The following PPFIBP2 variants were observed in gnomAD, a reference collection of about 807,000 sequenced individuals.
The protein encoded by PPFIBP2 is PPFIB scaffold protein 2.
A neutral mutation model predicts 118.3 loss-of-function variants in PPFIBP2; 118 were observed. The observed-to-expected ratio is 1.00, with a 90% confidence interval of 0.86 to 1.16. PPFIBP2 has a LOEUF of 1.16. PPFIBP2 is among the 50% of genes most tolerant of loss of function. The pLI, the probability that PPFIBP2 is intolerant of heterozygous loss-of-function variation, is 0.00. For synonymous variants in PPFIBP2, 414 were observed against 397.4 expected, an observed-to-expected ratio of 1.04 and a Z score of -0.50; for missense variants, 1,195 against 1,073.1, an observed-to-expected ratio of 1.11 and a Z score of -1.59.
intron 2 of PPFIBP2, among the ~76,000 whole-genome samples, chr11:7,564,151 G>A (rs957523172): frequency 6.7e-6 from 1 of 149,630 alleles, no homozygotes; most frequent in Admixed American, 6.6e-5. Context: ...GGGTGACAGA[G>A]CAAGACTCCG....
At chr11:7,528,502 A>T (rs1188461632) in intron 1 of PPFIBP2, among the ~76,000 whole-genome samples, 1 of 152,214 alleles carries the variant, frequency 6.6e-6, no homozygotes, top group Non-Finnish European at 1.5e-5. Context: ...TATCATTAGT[A>T]ACAAGTTACC....
At chr11:7,577,352 T>TGCG (rs1491378281) in intron 3 of PPFIBP2, 2 of 316,846 alleles carry the variant, frequency 6.3e-6, no homozygotes, top group African/African-American at 2.3e-5. Context: ...TGTGTGTGTG[T>TGCG]TTGTTGGGGT....
In PPFIBP2 at chr11:7,630,970, G is replaced by A. The variant is rs919891835; in HGVS notation, c.1010G>A (p.Gly337Glu). 1 of 1,614,160 alleles carries A rather than the reference G, an allele frequency of 6.2e-7. No homozygotes were observed. The highest frequency in any genetic ancestry group is 2.2e-5 in the East Asian group (1 of 44,890). Residue 337 changes from glycine (G) to glutamate (E), a missense_variant, in exon 11 of 24, where the codon GGA becomes GAA. Transcript: ENST00000299492. ...TCAATCAATGAAGAAGAACCGGAGGGAGGTTTCAGCAAGTGGAACGCTACA... is the reference window on the plus strand; with the variant it reads ...TCAATCAATGAAGAAGAACCGGAGGAAGGTTTCAGCAAGTGGAACGCTACA... ...TLSINEEEPE[G>E]GFSKWNATNK...
intron 1 of PPFIBP2, among the ~76,000 whole-genome samples, chr11:7,525,371 G>A (rs1239877755): frequency 2.0e-5 from 3 of 152,128 alleles, no homozygotes; most frequent in Non-Finnish European, 4.4e-5. Context: ...GCACATCATA[G>A]GTAGTCAGTA....
At chr11:7,653,951 G>A (rs1161811590), downstream of PPFIBP2, among the ~76,000 whole-genome samples, 1 of 152,148 alleles carries the variant, frequency 6.6e-6, no homozygotes, top group African/African-American at 2.4e-5. Context: ...GAGGTCCGTG[G>A]CCGCACTGCT....
chr11:7,524,425 A>G (rs1477394043), intron 1 of PPFIBP2, among the ~76,000 whole-genome samples: 3 of 152,144 alleles, frequency 2.0e-5, no homozygotes, highest in Admixed American at 2.0e-4. Flanking sequence ...CCCCACAGAA[A>G]GTTTCTTCCA....
At chr11:7,661,653 G>A (rs1327025716), downstream of PPFIBP2, among the ~76,000 whole-genome samples, 1 of 98,940 alleles carries the variant, frequency 1.0e-5, no homozygotes, top group Non-Finnish European at 2.5e-5. Flanking sequence ...TTCTGTAGAT[G>A]TCTATTAGGT....
intron 3 of PPFIBP2, among the ~76,000 whole-genome samples, chr11:7,582,205 G>C (rs1035792096): frequency 6.6e-6 from 1 of 152,076 alleles, no homozygotes; most frequent in Non-Finnish European, 1.5e-5. Context: ...GGATGACATC[G>C]ATCAGAACTG....
At chr11:7,585,798 C>T (rs1345289014) in intron 3 of PPFIBP2, among the ~76,000 whole-genome samples, 2 of 152,082 alleles carry the variant, frequency 1.3e-5, no homozygotes, top group East Asian at 1.9e-4. Flanking sequence ...TTGAGGAGGC[C>T]GCTGGGGGTT....
At chr11:7,538,703 G>A (rs950961934) in intron 1 of PPFIBP2, among the ~76,000 whole-genome samples, 4 of 151,084 alleles carry the variant, frequency 2.6e-5, no homozygotes, top group African/African-American at 7.4e-5. Context: ...CCTGGACCTC[G>A]CCTGACAGGG....
intron 1 of PPFIBP2, among the ~76,000 whole-genome samples, chr11:7,543,060 G>A: frequency 6.6e-6 from 1 of 152,220 alleles, no homozygotes; most frequent in African/African-American, 2.4e-5. Context: ...CCTTTAGGAA[G>A]AAAGTAGTTG....
chr11:7,553,655 A>G (rs72849063), intron 2 of PPFIBP2, among the ~76,000 whole-genome samples: 7,514 of 152,264 alleles, frequency 0.049, 233 homozygotes, highest in African/African-American at 0.1. Flanking sequence ...ATAAAATAGC[A>G]GTAATAATAG....
chr11:7,651,506 A>C (rs1853998589), intron 22 of PPFIBP2, 150 bp from the exon 23 acceptor site: 1 of 652,770 alleles, frequency 1.5e-6, no homozygotes, highest in East Asian at 2.7e-5. Context: ...TGTGCCAGCC[A>C]GTGAGTGGAG....
rs1220116341 is a variant in PPFIBP2, at chr11:7,649,241, G to A, written c.1998+6G>A. On this transcript the variant is annotated splice_donor_region_variant and intron_variant, in intron 20 of 23. Transcript: ENST00000299492. The stretch of plus-strand genomic sequence containing the variant: ...TGCTGCAATACCTAACTGTGGTGAG[G>A]ACTTTTTCTTTAAATATTTCAGTTG... The A allele has an allele frequency of 6.2e-7, 1 of 1,608,666 alleles. No homozygotes were observed. The highest frequency in any genetic ancestry group is 1.7e-5 in the Admixed American group (1 of 59,868).
At chr11:7,578,357 G>A (rs537414639) in intron 3 of PPFIBP2, among the ~76,000 whole-genome samples, 1 of 152,218 alleles carries the variant, frequency 6.6e-6, no homozygotes, top group Non-Finnish European at 1.5e-5. Flanking sequence ...GTGTTTTTCA[G>A]AGGCAGGAAG....
At chr11:7,559,089 A>C (rs1853995956) in intron 2 of PPFIBP2, among the ~76,000 whole-genome samples, 1 of 152,236 alleles carries the variant, frequency 6.6e-6, no homozygotes, top group Non-Finnish European at 1.5e-5. Context: ...TTCAATGTGC[A>C]TTGAAAGTTG....
chr11:7,606,053 A>C (rs749195598), intron 5 of PPFIBP2: 174 of 1,527,380 alleles, frequency 1.1e-4, no homozygotes, highest in Non-Finnish European at 1.5e-4. Flanking sequence ...AAAAGCCTGA[A>C]GGAAGTAGGT....
chr11:7,624,627 C>T (rs1849748584), intron 7 of PPFIBP2, among the ~76,000 whole-genome samples: 1 of 152,172 alleles, frequency 6.6e-6, no homozygotes, highest in South Asian at 2.1e-4. Context: ...TTTTATTGAC[C>T]GGCTCCACGG....
intron 3 of PPFIBP2, chr11:7,577,486 T>C (rs1856595716): frequency 4.5e-6 from 2 of 444,152 alleles, no homozygotes; most frequent in South Asian, 1.6e-5. Context: ...CTTGGAGTTC[T>C]TGAGGGGGGA....
Sources: allele counts gnomAD v4.1 joint callset (sites outside exome capture counted in the v4.1 genomes callset), GRCh38; gene constraint gnomAD v4.1.1; transcripts MANE v1.5; gene names NCBI Gene and HGNC (gene_info 2026-07-23, HGNC 2026-07-21).